DNAH5: variants seen among roughly 807,000 people sequenced by gnomAD.
DNAH5 encodes the protein axonemal beta dynein heavy chain 5.
A neutral mutation model predicts 518.2 loss-of-function variants in DNAH5; 372 were observed. The ratio of observed to expected loss-of-function variants is 0.72; its 90% CI spans 0.66 to 0.78. DNAH5 has a LOEUF of 0.78. Among genes scored for constraint, DNAH5 ranks in the 30% least tolerant of loss-of-function variants. The pLI is 0.00. For missense variants in DNAH5, 5,523 were observed against 5,687.0 expected (o/e 0.97, Z 0.93); for synonymous variants, 2,039 against 2,025.9 (o/e 1.01, Z -0.17).
At position 13,776,565 on chromosome 5, in the gene DNAH5, G is replaced by A; in HGVS notation, c.9247C>T (p.His3083Tyr). Residue 3083 changes from histidine to tyrosine, a missense_variant, in exon 55 of 79, where the codon CAT becomes TAT. Around this residue, in one of 3 missense-constraint regions of DNAH5, gnomAD observed 5,121 missense variants for 5,223.3 expected, o/e 0.98. Transcript: ENST00000265104. ...YFMSRVRQNL[H>Y]IVLCFSPVGE... ...ACTGGCGAGAAGCAGAGCACAATAT[G>A]AAGGTTCTGTCGGACCCGACTCATG... The A allele has an allele frequency of 6.2e-7, 1 of 1,613,960 alleles. No homozygotes were observed. Among genetic ancestry groups the A allele is most frequent in the Non-Finnish European group, 8.5e-7 (1 of 1,179,866 alleles).
At chr5:13,728,544 A>C (rs906361413) in intron 69 of DNAH5, among the ~76,000 whole-genome samples, 7 of 152,200 alleles carry the variant, frequency 4.6e-5, no homozygotes, top group Admixed American at 1.3e-4. Context: ...TTCAATATCA[A>C]TGGTCTAGGC....
intron 30 of DNAH5, among the ~76,000 whole-genome samples, chr5:13,856,291 T>A (rs1171795065): frequency 1.3e-5 from 2 of 151,840 alleles, no homozygotes; most frequent in African/African-American, 4.8e-5. Context: ...ATCAAATAGA[T>A]ACAATAAAAA....
chr5:13,815,228 T>C (rs1326196615), intron 42 of DNAH5, among the ~76,000 whole-genome samples: 1 of 152,124 alleles, frequency 6.6e-6, no homozygotes, highest in Non-Finnish European at 1.5e-5. Context: ...AAAAACTAAG[T>C]AGAATGAGGG....
chr5:13,944,198 AT>A (rs915117437), intron 1 of DNAH5, among the ~76,000 whole-genome samples, 183 bp downstream of exon 1: 4 of 152,150 alleles, frequency 2.6e-5, no homozygotes, highest in South Asian at 2.1e-4. Flanking sequence ...CAGATGCAAA[AT>A]TTTTTTTATT....
Position 13,871,574 on chromosome 5 carries a change from A to G in DNAH5, c.3588T>C (p.Ala1196=). The change falls in exon 23 of 79, where the codon GCT becomes GCC. Residue 1196 remains alanine (A), a synonymous_variant. Coordinates refer to ENST00000265104, the MANE Select transcript of DNAH5 (RefSeq NM_001369.3). ...EPEYVCVGSI[A]LYTADLKFAL... ...AGAAAATGAACCAACCTGTGTACAG[A>G]GCAATGGAACCCACACAGACATATT... The G allele has an allele frequency of 6.2e-7, 1 of 1,613,330 alleles. No homozygotes were observed. The highest frequency in any genetic ancestry group is 1.1e-5 in the South Asian group (1 of 91,062).
intron 78 of DNAH5, 134 bp downstream of exon 78, chr5:13,700,506 G>T: frequency 1.2e-6 from 1 of 837,990 alleles, no homozygotes; most frequent in Non-Finnish European, 2.0e-6. Context: ...CATTAAACAT[G>T]GGTGTGAATG....
intron 21 of DNAH5, among the ~76,000 whole-genome samples, chr5:13,878,283 G>C (rs928208628): frequency 6.6e-6 from 1 of 152,142 alleles, no homozygotes; most frequent in Admixed American, 6.5e-5. Context: ...AGGCATATGT[G>C]AATTTCCCCA....
At chr5:13,934,730 A>AT (rs1778758200) in intron 1 of DNAH5, among the ~76,000 whole-genome samples, 1 of 152,188 alleles carries the variant, frequency 6.6e-6, no homozygotes. Context: ...ATTGACATAC[A>AT]TTTCTCTGAA....
At chr5:13,816,521 A>T (rs72732638) in intron 42 of DNAH5, among the ~76,000 whole-genome samples, 36,868 of 150,500 alleles carry the variant, frequency 0.24, 4,845 homozygotes, top group East Asian at 0.52. Flanking sequence ...TGAAAGAAAA[A>T]GCATATGTTG....
rs1280352475 is a variant in DNAH5 at position 13,963,794 on chromosome 5, T to C, written c.13-32550A>G. Among the ~76,000 whole-genome samples the C allele has an allele frequency of 1.3e-5, 2 of 152,054 alleles. 1 individual carries two copies. Among genetic ancestry groups the C allele is most frequent in the South Asian group, 4.1e-4 (2 of 4,820 alleles). On this transcript the variant is annotated intron_variant, in intron 1 of 78. Transcript: ENST00000681290. Reference sequence around the variant, plus strand: ...GCCTGGAACTCCTGGACTCAAATGATCCTCCTGCCTCAGCCTCCTGAGTAC... The same window carrying C: ...GCCTGGAACTCCTGGACTCAAATGACCCTCCTGCCTCAGCCTCCTGAGTAC...
At chr5:13,979,320 T>C (rs339427) in intron 1 of DNAH5, among the ~76,000 whole-genome samples, 129,258 of 152,206 alleles carry the variant, frequency 0.85, 55,021 homozygotes, top group East Asian at 1. Flanking sequence ...TACCTTCTCC[T>C]TTCTTTCTTC....
At chr5:13,981,560 G>A (rs746420030) in intron 1 of DNAH5, among the ~76,000 whole-genome samples, 5 of 152,192 alleles carry the variant, frequency 3.3e-5, no homozygotes, top group African/African-American at 1.2e-4. Context: ...TATGAAAGAA[G>A]TGGAATGTGC....
At chr5:13,764,907 T>C (rs1303356140) in intron 59 of DNAH5, among the ~76,000 whole-genome samples, 2 of 152,250 alleles carry the variant, frequency 1.3e-5, no homozygotes, top group Admixed American at 6.5e-5. Flanking sequence ...TTCTGCAAAC[T>C]TGTTAGACTC....
intron 47 of DNAH5, among the ~76,000 whole-genome samples, chr5:13,803,490 C>A (rs2126972068): frequency 6.6e-6 from 1 of 152,296 alleles, no homozygotes; most frequent in South Asian, 2.1e-4. Context: ...CATGTGGGTG[C>A]ACAGCACAGC....
intron 1 of DNAH5, among the ~76,000 whole-genome samples, chr5:13,975,144 T>C (rs1782151248): frequency 6.6e-6 from 1 of 152,334 alleles, no homozygotes; most frequent in Non-Finnish European, 1.5e-5. Flanking sequence ...AAGAGGTTTA[T>C]TGGACTTACA....
At chr5:13,992,732 C>G (rs1031619822) in intron 1 of DNAH5, among the ~76,000 whole-genome samples, 1 of 152,136 alleles carries the variant, frequency 6.6e-6, no homozygotes, top group African/African-American at 2.4e-5. Context: ...TTTCCCAATA[C>G]TAAAAGGAGA....
rs2126403865 is a variant in DNAH5, at chr5:13,700,683, G to C, written c.13680C>G (p.Leu4560=). Residue 4560 remains leucine (L), a synonymous_variant, in exon 78 of 79, where the codon CTC becomes CTG. Transcript: ENST00000265104. The stretch of plus-strand genomic sequence containing the variant: ...TCCTTATGACAGGCATCAACTCAAA[G>C]AGCACTTTTGGCTTTGATTCAATGA... The part of the protein sequence containing the change: ...MKLIESKPKV[L]FELMPVIRIY... 1 of 1,614,146 alleles carries C rather than the reference G, an allele frequency of 6.2e-7. No homozygotes were observed. The highest frequency in any genetic ancestry group is 8.5e-7 in the Non-Finnish European group (1 of 1,179,998).
Position 13,766,403 on chromosome 5 carries a change from G to A in DNAH5, c.9898-224C>T, listed in dbSNP as rs1462270038. On this transcript the variant is annotated intron_variant, in intron 58 of 78. Coordinates refer to ENST00000265104, the MANE Select transcript of DNAH5 (RefSeq NM_001369.3). The stretch of plus-strand genomic sequence containing the variant: ...GCAGTGACAGGAAAGAAATGTTGGC[G>A]AGCAGATAAGGAGCTGTGACTTCTC... Among the ~76,000 whole-genome samples the A allele has an allele frequency of 6.6e-5, 10 of 152,196 alleles. No individual in the cohort carries two copies. The South Asian group carries it at 1.2e-3, about 19-fold the overall frequency.
At position 13,793,979 on chromosome 5, in the gene DNAH5, A is replaced by G. The variant is rs752318477; in HGVS notation, c.7967T>C (p.Ile2656Thr). 4.3e-6 allele frequency: 7 copies of G among 1,614,026 alleles called. No homozygotes were observed. In the East Asian group the frequency reaches 6.7e-5, roughly 15 times the overall value. The change falls in exon 48 of 79, where the codon ATT (isoleucine) becomes ACT (threonine). Residue 2656 changes from isoleucine (I) to threonine (T), a missense_variant. By Grantham distance (89) the Ile-to-Thr change is moderately conservative. Coordinates refer to ENST00000265104, the MANE Select transcript of DNAH5 (RefSeq NM_001369.3). ...GATTATTGGCATATTCACATCATCA[A>G]TAAAAACAGTCATCTTCTTTCCCGC... ...PPAGKKMTVF[I>T]DDVNMPIINE...
Sources: gnomAD v4.1 joint callset for allele counts (sites outside exome capture counted in the v4.1 genomes callset) on GRCh38, gnomAD v4.1.1 for gene constraint, gnomAD v4.1.1 regional missense constraint, MANE v1.5 for transcripts, NCBI Gene and HGNC (gene_info 2026-07-23, HGNC 2026-07-21) for gene names.